Variants in CFAP74 observed in about 807,000 individuals in gnomAD.
CFAP74 encodes cilia and flagella associated protein 74, also known as cilia- and flagella-associated protein 74.
A neutral mutation model predicts 188.9 loss-of-function variants in CFAP74; 124 were observed. That is an observed-to-expected ratio of 0.66 (90% CI 0.57 to 0.76). The LOEUF is 0.76. Ranked by LOEUF, CFAP74 falls within the 30% of genes least tolerant of loss-of-function variation. The probability of loss-of-function intolerance (pLI) is 0.00; values close to 1 mark genes in which losing one functional copy is unlikely to be tolerated. For missense variants in CFAP74, 2,198 were observed against 2,165.2 expected (o/e 1.02, Z -0.30); for synonymous variants, 956 against 916.7 (o/e 1.04, Z -0.77).
intron 18 of CFAP74, among the ~76,000 whole-genome samples, chr1:1,951,957 C>T (rs868556846): frequency 2.0e-5 from 3 of 152,346 alleles, no homozygotes; most frequent in Middle Eastern, 3.4e-3. Flanking sequence ...GGCCAACGCA[C>T]AGGCAGCCTC....
chr1:1,944,902 G>A (rs1161796850), intron 20 of CFAP74, among the ~76,000 whole-genome samples: 1 of 152,098 alleles, frequency 6.6e-6, no homozygotes, highest in African/African-American at 2.4e-5. Flanking sequence ...CACTGCGCCC[G>A]GCCAAATATT....
intron 26 of CFAP74, among the ~76,000 whole-genome samples, chr1:1,929,439 G>C (rs1235572934): frequency 2.4e-5 from 3 of 124,168 alleles, no homozygotes. Flanking sequence ...GAGAGGGTAG[G>C]GGAGGGAGAG....
chr1:1,996,988 T>G (rs1034257518), intron 1 of CFAP74, among the ~76,000 whole-genome samples: 2 of 132,706 alleles, frequency 1.5e-5, no homozygotes, highest in Admixed American at 7.3e-5. Flanking sequence ...ATAGAGTATA[T>G]ATATACCAAA....
intron 18 of CFAP74, among the ~76,000 whole-genome samples, chr1:1,950,610 G>C (rs892676967): frequency 6.6e-6 from 1 of 152,108 alleles, no homozygotes; most frequent in African/African-American, 2.4e-5. Context: ...AAAGTGCTGG[G>C]ATTACAGGTG....
rs533502229 is a variant in CFAP74 at position 1,993,465 on chromosome 1, C to A, written c.-19-2490G>T. ...CACACCCAACTGATTTTTGTATTTT[C>A]TGTAGAGACAGGGTTTTGCCATGTT... On this transcript the variant is annotated intron_variant, in intron 1 of 38. Transcript: ENST00000682832. 1.8e-3 allele frequency among the ~76,000 whole-genome samples: 269 copies of A among 151,402 alleles called. 1 individual carries two copies. Among genetic ancestry groups the A allele is most frequent in the African/African-American group, 6.3e-3 (259 of 41,342 alleles).
chr1:1,942,788 A>G lies in CFAP74; in HGVS notation c.2487-632T>C, dbSNP rs1653474362. On this transcript the variant is annotated intron_variant, in intron 21 of 38. Coordinates refer to ENST00000682832, the MANE Select transcript of CFAP74 (RefSeq NM_001304360.2). The surrounding 1 kb of genome is among the most constrained non-coding windows in gnomAD (Gnocchi z 4.3). Reference sequence around the variant, plus strand: ...GCCTCCCTCCCCTCCCCCGTCTTGGAGCCTCTGCTAAACAGTGTTGTGGCC... The same window carrying G: ...GCCTCCCTCCCCTCCCCCGTCTTGGGGCCTCTGCTAAACAGTGTTGTGGCC... Among the ~76,000 whole-genome samples the G allele has an allele frequency of 6.6e-6, 1 of 151,948 alleles. No individual in the cohort carries two copies. The highest frequency in any genetic ancestry group is 2.1e-4 in the South Asian group (1 of 4,820).
rs572572435 is a variant in CFAP74 at position 1,923,640 on chromosome 1, C to T, written c.4389+135G>A. ...CCCTGGACTCTGGTCTTTCCACTGA[C>T]GGCCCTCAGTGTGGTGCTGAGTCCC... On this transcript the variant is annotated intron_variant, in intron 35 of 38. Coordinates refer to ENST00000682832, the MANE Select transcript of CFAP74 (RefSeq NM_001304360.2). The surrounding 1 kb of genome is among the most constrained non-coding windows in gnomAD (Gnocchi z 6.3). 47 of 1,511,318 alleles carry T rather than the reference C, an allele frequency of 3.1e-5. No homozygotes were observed. Among genetic ancestry groups the T allele is most frequent in the Admixed American group, 1.1e-4 (6 of 52,724 alleles). The allele number at this position is 1,511,318 out of a possible 1,614,324, so 93.6% of individuals were successfully genotyped here. A position where few individuals can be genotyped will look rare whatever the true frequency, so the allele number is the denominator to read the frequency against.
In CFAP74 at chr1:1,923,804, C is replaced by T. The variant is rs774046284; in HGVS notation, c.4360G>A (p.Asp1454Asn). 1.9e-5 allele frequency: 31 copies of T among 1,613,314 alleles called. No individual in the cohort carries two copies. The highest frequency in any genetic ancestry group is 1.9e-4 in the South Asian group (17 of 91,088). The change falls in exon 35 of 39, where the codon GAC becomes AAC. Residue 1454 changes from aspartate to asparagine, a missense_variant. Transcript: ENST00000682832. This position sits in a 1 kb window ranked among gnomAD's most constrained non-coding sequence, Gnocchi z 6.3. ...TCAAAGAGCACCACCTGGAGCTTGTCGGAGAAGTAGAGGCTTTCGTGGTCG... is the reference window on the plus strand; with the variant it reads ...TCAAAGAGCACCACCTGGAGCTTGTTGGAGAAGTAGAGGCTTTCGTGGTCG... ...SPDHESLYFS[D>N]KLQVVLFEKK...
At chr1:2,002,203 G>A (rs746438240) in intron 1 of CFAP74, among the ~76,000 whole-genome samples, 9 of 152,092 alleles carry the variant, frequency 5.9e-5, no homozygotes, top group Non-Finnish European at 1.0e-4. Flanking sequence ...AATCCTTCAC[G>A]AGAAGTTTTT....
Position 1,974,038 on chromosome 1 carries a change from G to A in CFAP74, c.661C>T (p.Leu221=), listed in dbSNP as rs376583875. ...GGTGTCGCCTACCTGATCCTCAGCA[G>A]TCGGTTCCGCTCCACCTTCCCCAGG... ...EALGKVERNR[L]LRIRKSLNTQ... The change falls in exon 7 of 39, where the codon CTG becomes TTG. Residue 221 remains leucine, a synonymous_variant. Transcript: ENST00000682832. 19 of 1,581,076 alleles carry A rather than the reference G, an allele frequency of 1.2e-5. No homozygotes were observed. Among genetic ancestry groups the A allele is most frequent in the Non-Finnish European group, 1.6e-5 (18 of 1,159,634 alleles).
intron 18 of CFAP74, among the ~76,000 whole-genome samples, chr1:1,950,279 A>C (rs938568190): frequency 7.3e-5 from 11 of 150,270 alleles, no homozygotes; most frequent in Non-Finnish European, 1.6e-4. Context: ...TTCATGTGCG[A>C]ATTTCTCATC....
In CFAP74 at chr1:1,970,669, C is replaced by T. The variant is rs763466036; in HGVS notation, c.1036G>A (p.Ala346Thr). The T allele has an allele frequency of 2.6e-5, 42 of 1,608,262 alleles. No homozygotes were observed. The highest frequency in any genetic ancestry group is 1.1e-4 in the East Asian group (5 of 44,726). ...VHQRRRQELE[A>T]QKRAFEEEQK... is the part of the protein sequence containing the mutation. The stretch of plus-strand genomic sequence containing the variant: ...TGCCACCACCCTCACCTCTTCTGGG[C>T]CTCCAGCTCCTGGCGCCGGCGCTGG... Residue 346 changes from alanine to threonine, a missense_variant, in exon 10 of 39, where the codon GCC (alanine) becomes ACC (threonine). Ala to Thr is a moderately conservative substitution (Grantham distance 58). Transcript: ENST00000682832.
At chr1:1,959,079 C>G (rs1418200421) in intron 16 of CFAP74, 41 bp downstream of exon 16, 2 of 1,434,696 alleles carry the variant, frequency 1.4e-6, no homozygotes, top group Non-Finnish European at 2.0e-6. Context: ...TCCCAGCCAG[C>G]ATGCCCCGAG....
At chr1:1,943,920 G>A (rs371793060) in intron 21 of CFAP74, among the ~76,000 whole-genome samples, 8 of 152,254 alleles carry the variant, frequency 5.3e-5, no homozygotes, top group African/African-American at 1.7e-4. Flanking sequence ...CCCCGGGCTC[G>A]GGGCCCTTCC....
intron 18 of CFAP74, among the ~76,000 whole-genome samples, chr1:1,950,351 T>TC (rs1654129648): frequency 6.6e-6 from 1 of 151,980 alleles, no homozygotes; most frequent in African/African-American, 2.4e-5. Flanking sequence ...TTTTTTTTTT[T>TC]TGAGATGGAG....
intron 2 of CFAP74, among the ~76,000 whole-genome samples, chr1:1,989,202 G>C (rs1015068150): frequency 6.6e-6 from 1 of 152,130 alleles, no homozygotes; most frequent in African/African-American, 2.4e-5. Flanking sequence ...TTTGCAGACG[G>C]ACAGCGGGGA....
chr1:1,958,765 T>C (rs1305942165), intron 16 of CFAP74, among the ~76,000 whole-genome samples: 1 of 150,100 alleles, frequency 6.7e-6, no homozygotes, highest in Non-Finnish European at 1.5e-5. Flanking sequence ...TGTTTTCCTC[T>C]ATGCTTGAAA....
intron 18 of CFAP74, among the ~76,000 whole-genome samples, chr1:1,949,567 A>G (rs1404732179): frequency 6.6e-6 from 1 of 151,954 alleles, no homozygotes; most frequent in African/African-American, 2.4e-5. Context: ...AACTTTCTTA[A>G]GTTTTGACAG....
At chr1:1,954,916 A>G (rs1654444790) in intron 18 of CFAP74, 1 of 1,181,270 alleles carries the variant, frequency 8.5e-7, no homozygotes, top group Non-Finnish European at 1.1e-6. Context: ...CGGCCTTCGC[A>G]ACAGTGTGTA....
Sources: gnomAD v4.1 joint callset for allele counts (sites outside exome capture counted in the v4.1 genomes callset) on GRCh38, gnomAD v4.1.1 for gene constraint, Gnocchi (gnomAD v3.1) non-coding constraint, MANE v1.5 for transcripts, NCBI Gene and HGNC (gene_info 2026-07-23, HGNC 2026-07-21) for gene names.